The following MARCHF1 variants were observed in gnomAD, a reference collection of about 807,000 sequenced individuals.
MARCHF1 encodes the protein membrane associated ring-CH-type finger 1, also known as E3 ubiquitin-protein ligase MARCHF1.
MARCHF1 carries 40 observed loss-of-function variants against 54.2 expected under a neutral mutation model. That is an observed-to-expected ratio of 0.74 (90% CI 0.57 to 0.96). The LOEUF is 0.96. Ranked by LOEUF, MARCHF1 falls within the 40% of genes least tolerant of loss-of-function variation. The pLI, the probability that MARCHF1 is intolerant of heterozygous loss-of-function variation, is 0.00. For synonymous variants in MARCHF1, 236 were observed against 236.3 expected, an observed-to-expected ratio of 1.00 and a Z score of 0.01; for missense variants, 586 against 656.5, an observed-to-expected ratio of 0.89 and a Z score of 1.17.
intron 1 of MARCHF1, among the ~76,000 whole-genome samples, chr4:164,114,075 C>T (rs988712074): frequency 6.6e-6 from 1 of 151,748 alleles, no homozygotes; most frequent in Non-Finnish European, 1.5e-5. Flanking sequence ...ATTTGTGAAT[C>T]GAAAATCAGT....
At chr4:163,754,577 A>G (rs866387003) in intron 4 of MARCHF1, among the ~76,000 whole-genome samples, 1 of 152,322 alleles carries the variant, frequency 6.6e-6, no homozygotes, top group Middle Eastern at 3.4e-3. Context: ...TACTGGTTGC[A>G]TTCTAGAGAT....
chr4:163,768,795 T>C (rs997587914), intron 4 of MARCHF1, among the ~76,000 whole-genome samples: 1 of 152,204 alleles, frequency 6.6e-6, no homozygotes, highest in Non-Finnish European at 1.5e-5. Context: ...GTTTGAGTTC[T>C]GGCAGATAGG....
intron 5 of MARCHF1, among the ~76,000 whole-genome samples, chr4:163,643,815 C>G (rs1231838316): frequency 1.3e-5 from 2 of 151,850 alleles, no homozygotes; most frequent in African/African-American, 4.8e-5. Context: ...TCAAAGCAAG[C>G]TTTTAGGTTT....
At chr4:163,604,630 C>T (rs923847183) in intron 7 of MARCHF1, among the ~76,000 whole-genome samples, 5 of 152,088 alleles carry the variant, frequency 3.3e-5, no homozygotes, top group East Asian at 1.9e-4. Flanking sequence ...TTGCTTAAAA[C>T]GCCTGCAGAA....
chr4:163,609,751 G>C (rs1318906136), intron 7 of MARCHF1, among the ~76,000 whole-genome samples: 2 of 151,644 alleles, frequency 1.3e-5, no homozygotes, highest in African/African-American at 4.8e-5. Context: ...CACTATGTAA[G>C]AGACATAATC....
chr4:164,263,848 G>A (rs750109277), intron 1 of MARCHF1, among the ~76,000 whole-genome samples: 16 of 152,044 alleles, frequency 1.1e-4, no homozygotes, highest in Non-Finnish European at 2.1e-4. Context: ...AAAAATAACC[G>A]ATGCTAGTGA....
At chr4:163,545,831 G>A in intron 8 of MARCHF1, 88 bp from the exon 9 acceptor site, 1 of 1,120,372 alleles carries the variant, frequency 8.9e-7, no homozygotes, top group Non-Finnish European at 1.3e-6. Context: ...ATCATGAATG[G>A]AAGAAAAACA....
intron 3 of MARCHF1, among the ~76,000 whole-genome samples, chr4:163,916,761 C>A (rs1480403498): frequency 4.6e-5 from 7 of 152,066 alleles, no homozygotes; most frequent in African/African-American, 1.7e-4. Flanking sequence ...TCTCCCTACC[C>A]CCACAGATGT....
intron 1 of MARCHF1, among the ~76,000 whole-genome samples, chr4:164,366,815 C>A (rs747208538): frequency 2.6e-5 from 4 of 151,800 alleles, no homozygotes; most frequent in African/African-American, 4.8e-5. Context: ...GTACCTGTCA[C>A]CTACATTTAC....
intron 1 of MARCHF1, among the ~76,000 whole-genome samples, chr4:164,363,790 T>TGTG (rs1401540888): frequency 6.6e-6 from 1 of 152,052 alleles, no homozygotes; most frequent in African/African-American, 2.4e-5. Context: ...TGTGTCTGTG[T>TGTG]TCTTACATAC....
intron 3 of MARCHF1, among the ~76,000 whole-genome samples, chr4:163,898,060 C>CAAAAAA (rs70948673): frequency 8.6e-5 from 7 of 81,854 alleles, no homozygotes; most frequent in Non-Finnish European, 1.3e-4. Context: ...GACTCCGTCT[C>CAAAAAA]AAAAAAAAAA....
intron 1 of MARCHF1, among the ~76,000 whole-genome samples, chr4:164,210,751 A>G (rs1318402320): frequency 6.6e-6 from 1 of 152,156 alleles, no homozygotes; most frequent in Non-Finnish European, 1.5e-5. Flanking sequence ...TCTGACTCCC[A>G]TGTTCATTTC....
intron 4 of MARCHF1, among the ~76,000 whole-genome samples, chr4:163,742,733 C>T (rs1034332194): frequency 6.6e-6 from 1 of 152,106 alleles, no homozygotes; most frequent in Admixed American, 6.5e-5. Flanking sequence ...CCACCCGGAC[C>T]TCCCAGTGTG....
intron 4 of MARCHF1, among the ~76,000 whole-genome samples, chr4:163,736,738 C>A (rs1356421060): frequency 2.0e-5 from 3 of 152,006 alleles, no homozygotes; most frequent in Admixed American, 1.3e-4. Flanking sequence ...TGTATCACGT[C>A]TAAGAAATAT....
chr4:163,995,218 A>G (rs1753051072), intron 2 of MARCHF1, among the ~76,000 whole-genome samples: 1 of 151,954 alleles, frequency 6.6e-6, no homozygotes, highest in Non-Finnish European at 1.5e-5. Context: ...GGCTCACAGA[A>G]CTCAGGGAAA....
chr4:163,954,478 T>C (rs1752193995), intron 3 of MARCHF1, among the ~76,000 whole-genome samples: 2 of 152,282 alleles, frequency 1.3e-5, no homozygotes, highest in Admixed American at 1.3e-4. Context: ...CCTTGGATAC[T>C]GTTAGGTAAA....
In MARCHF1 at chr4:163,814,995, C is replaced by T. The variant is rs72995280; in HGVS notation, c.111+39026G>A. On this transcript the variant is annotated intron_variant, in intron 4 of 9. Coordinates refer to ENST00000514618, the MANE Select transcript of MARCHF1 (RefSeq NM_001394959.1). Reference sequence around the variant, plus strand: ...TTACTTAAAAAATGAAATGAAAAGGCCATAAATGCCAGCTTCAGACATATT... The same window carrying T: ...TTACTTAAAAAATGAAATGAAAAGGTCATAAATGCCAGCTTCAGACATATT... 8.3e-3 allele frequency among the ~76,000 whole-genome samples: 1,266 copies of T among 152,098 alleles called. 22 individuals are homozygous for T. Among genetic ancestry groups the T allele is most frequent in the African/African-American group, 0.027 (1,125 of 41,492 alleles).
intron 2 of MARCHF1, among the ~76,000 whole-genome samples, chr4:164,088,389 A>T (rs1008599917): frequency 6.6e-6 from 1 of 152,212 alleles, no homozygotes; most frequent in Non-Finnish European, 1.5e-5. Context: ...AGTGTTTAAC[A>T]TAAAATATTA....
intron 4 of MARCHF1, among the ~76,000 whole-genome samples, chr4:163,833,609 A>G (rs1193761713): frequency 1.3e-5 from 2 of 152,204 alleles, no homozygotes; most frequent in Non-Finnish European, 2.9e-5. Flanking sequence ...CAAAAAACAC[A>G]TGAAAAAATG....
Sources: allele counts gnomAD v4.1 joint callset (sites outside exome capture counted in the v4.1 genomes callset), GRCh38; gene constraint gnomAD v4.1.1; transcripts MANE v1.5; gene names NCBI Gene and HGNC (gene_info 2026-07-23, HGNC 2026-07-21).